The following PRPSAP2 variants were observed in gnomAD, a reference collection of about 807,000 sequenced individuals.
The protein encoded by PRPSAP2 is phosphoribosyl pyrophosphate synthetase associated protein 2, also known as phosphoribosyl pyrophosphate synthase-associated protein 2.
PRPSAP2 carries 24 observed loss-of-function variants against 40.6 expected under a neutral mutation model. That is an observed-to-expected ratio of 0.59 (90% confidence interval 0.43 to 0.83). PRPSAP2 has a LOEUF of 0.83. Ranked by LOEUF, PRPSAP2 falls within the 40% of genes least tolerant of loss-of-function variation. The pLI is 0.00. For synonymous variants in PRPSAP2, 149 were observed against 164.7 expected (o/e 0.90, Z 0.73); for missense variants, 292 against 465.6 (o/e 0.63, Z 3.43).
chr17:18,926,029 C>T (rs1015648478), intron 10 of PRPSAP2, among the ~76,000 whole-genome samples: 12 of 151,632 alleles, frequency 7.9e-5, no homozygotes, highest in African/African-American at 2.9e-4. Context: ...GCATGAGAGG[C>T]GGAGCTTGCA....
intron 4 of PRPSAP2, among the ~76,000 whole-genome samples, chr17:18,869,992 T>C (rs2151890205): frequency 6.6e-6 from 1 of 152,014 alleles, no homozygotes; most frequent in South Asian, 2.1e-4. Flanking sequence ...GGCTTACAGG[T>C]GTGTGCCAGC....
chr17:18,917,478 C>G (rs1237545684), intron 9 of PRPSAP2: 2 of 149,048 alleles, frequency 1.3e-5, no homozygotes, highest in East Asian at 3.9e-4. Context: ...CCTCGGCCTC[C>G]CAGGTTCAGG....
At chr17:18,907,568 C>T (rs186888404) in intron 8 of PRPSAP2, among the ~76,000 whole-genome samples, 6 of 152,310 alleles carry the variant, frequency 3.9e-5, no homozygotes, top group Non-Finnish European at 8.8e-5. Context: ...AGTCATAGCA[C>T]ACCATCCAGA....
At chr17:18,866,064 A>T in intron 3 of PRPSAP2, 112 bp downstream of exon 3, 2 of 719,358 alleles carry the variant, frequency 2.8e-6, no homozygotes, top group Non-Finnish European at 3.7e-6. Flanking sequence ...ATAATTATAA[A>T]ATAATTATAT....
chr17:18,890,187 G>T (rs1027175907), intron 8 of PRPSAP2, among the ~76,000 whole-genome samples: 19 of 147,976 alleles, frequency 1.3e-4, no homozygotes, highest in Non-Finnish European at 2.7e-4. Context: ...TTTATTTTTT[G>T]AGATGGAGTT....
intron 4 of PRPSAP2, among the ~76,000 whole-genome samples, chr17:18,871,661 T>C (rs889342524): frequency 6.5e-4 from 21 of 32,420 alleles, no homozygotes; most frequent in Admixed American, 1.7e-3. Context: ...TTCTTTTTTT[T>C]TTTTTTTTTT....
At chr17:18,869,061 T>C (rs573750662) in intron 4 of PRPSAP2, among the ~76,000 whole-genome samples, 1 of 152,224 alleles carries the variant, frequency 6.6e-6, no homozygotes, top group South Asian at 2.1e-4. Context: ...CTAGAGGGGA[T>C]TGAATGATGT....
chr17:18,902,872 A>C (rs1734984951), intron 8 of PRPSAP2, among the ~76,000 whole-genome samples: 2 of 35,336 alleles, frequency 5.7e-5, no homozygotes, highest in Admixed American at 2.5e-4. Context: ...TCCATCTCAA[A>C]AAAAAAAAAA....
At chr17:18,899,769 A>G (rs1293813615) in intron 8 of PRPSAP2, among the ~76,000 whole-genome samples, 1 of 151,808 alleles carries the variant, frequency 6.6e-6, no homozygotes, top group Non-Finnish European at 1.5e-5. Context: ...TCCTGAGCTC[A>G]AGTGATCTGC....
chr17:18,892,593 CT>C lies in PRPSAP2; in HGVS notation c.584+2730del, dbSNP rs950601250. Among the ~76,000 whole-genome samples, 739 of 131,112 alleles carry C rather than the reference CT, an allele frequency of 5.6e-3. 1 individual carries two copies. The highest frequency in any genetic ancestry group is 0.014 in the African/African-American group (486 of 35,934). 86.0% of individuals were successfully genotyped at this position (131,112 alleles called of 152,430 possible). A position where few individuals can be genotyped will look rare whatever the true frequency, so the allele number is the denominator to read the frequency against. ...CCTAATGATTGATGATGTTGAGTATCTTTTTTTTTTTTTTAATGAGACAGGG... is the reference window on the plus strand; with the variant it reads ...CCTAATGATTGATGATGTTGAGTATCTTTTTTTTTTTTTAATGAGACAGGG... On this transcript the variant is annotated intron_variant, in intron 8 of 11. Transcript: ENST00000268835.
At chr17:18,864,064 G>A (rs1352623696) in intron 1 of PRPSAP2, among the ~76,000 whole-genome samples, 1 of 151,488 alleles carries the variant, frequency 6.6e-6, no homozygotes, top group Non-Finnish European at 1.5e-5. Context: ...ATGTTGGTCA[G>A]GCTGGTCTCG....
chr17:18,897,238 G>A (rs555995949), intron 8 of PRPSAP2, among the ~76,000 whole-genome samples: 5 of 152,092 alleles, frequency 3.3e-5, no homozygotes, highest in Admixed American at 6.6e-5. Flanking sequence ...GATGATAGTC[G>A]TGAACCAGCA....
intron 8 of PRPSAP2, among the ~76,000 whole-genome samples, chr17:18,908,075 GC>G (rs560074696): frequency 6.0e-4 from 91 of 152,250 alleles, no homozygotes; most frequent in South Asian, 1.9e-3. Flanking sequence ...GGTGGAGGCT[GC>G]AGTGAGCCGA....
intron 9 of PRPSAP2, among the ~76,000 whole-genome samples, chr17:18,921,223 T>C (rs1468975304): frequency 1.3e-5 from 2 of 149,658 alleles, no homozygotes; most frequent in African/African-American, 5.1e-5. Flanking sequence ...TTTGCCCTTA[T>C]AATGTGGCAG....
Position 18,921,059 on chromosome 17 carries a change from C to T in PRPSAP2, c.734-2855C>T, listed in dbSNP as rs545008378. On this transcript the variant is annotated intron_variant, in intron 9 of 11. Transcript: ENST00000268835. ...CCAGGCTGGAGTGCAGTGACAATCA[C>T]GGCTCACTGCAACCTTGACCTCCCA... Among the ~76,000 whole-genome samples, 5 of 152,168 alleles carry T rather than the reference C, an allele frequency of 3.3e-5. No homozygotes were observed. In the East Asian group the frequency reaches 5.8e-4, roughly 18 times the overall value.
At chr17:18,875,732 T>C (rs912802946) in intron 5 of PRPSAP2, among the ~76,000 whole-genome samples, 1 of 151,548 alleles carries the variant, frequency 6.6e-6, no homozygotes, top group Non-Finnish European at 1.5e-5. Context: ...TATGCGCTTC[T>C]AATTCCAGCT....
intron 9 of PRPSAP2, among the ~76,000 whole-genome samples, chr17:18,913,536 T>C (rs1025501486): frequency 7.0e-6 from 1 of 143,762 alleles, no homozygotes; most frequent in African/African-American, 2.6e-5. Flanking sequence ...GAATAGCGTC[T>C]GGTTCTTTTT....
chr17:18,896,791 A>G (rs1047729811), intron 8 of PRPSAP2, among the ~76,000 whole-genome samples: 1 of 152,018 alleles, frequency 6.6e-6, no homozygotes, highest in African/African-American at 2.4e-5. Flanking sequence ...GTTACCTGAG[A>G]ATGGGCTTCT....
intron 6 of PRPSAP2, among the ~76,000 whole-genome samples, chr17:18,878,669 TG>T (rs2038484694): frequency 1.3e-5 from 2 of 152,094 alleles, no homozygotes; most frequent in African/African-American, 4.8e-5. Flanking sequence ...GCGATTCTCC[TG>T]CCTCAGCCTC....
Sources: allele counts gnomAD v4.1 joint callset (sites outside exome capture counted in the v4.1 genomes callset), GRCh38; gene constraint gnomAD v4.1.1; transcripts MANE v1.5; gene names NCBI Gene and HGNC (gene_info 2026-07-23, HGNC 2026-07-21).